The following COL28A1 variants were observed in gnomAD, a reference collection of about 807,000 sequenced individuals.
COL28A1 encodes the protein collagen type XXVIII alpha 1 chain, also known as collagen alpha-1(XXVIII) chain.
COL28A1 carries 161 observed loss-of-function variants against 150.2 expected under a neutral mutation model. The observed-to-expected ratio is 1.07, with a 90% CI of 0.94 to 1.22. COL28A1 has a LOEUF of 1.22. Ranked by LOEUF, COL28A1 falls within the 50% of genes most tolerant of loss-of-function variation. The pLI is 0.00. For synonymous variants in COL28A1, 552 were observed against 469.7 expected (o/e 1.18, Z -2.26); for missense variants, 1,617 against 1,388.3 (o/e 1.16, Z -2.62).
chr7:7,338,783 C>A, the COL28A1 span, among the ~76,000 whole-genome samples: 2 of 152,094 alleles, frequency 1.3e-5, no homozygotes, highest in African/African-American at 4.8e-5. Flanking sequence ...AGAGGTCAAT[C>A]CCCTTCTCTT....
intron 15 of COL28A1, among the ~76,000 whole-genome samples, chr7:7,460,771 A>C (rs907157365): frequency 4.6e-5 from 7 of 152,258 alleles, no homozygotes; most frequent in African/African-American, 1.4e-4. Context: ...TGATGGTAGA[A>C]GTCACTGGAT....
chr7:7,488,225 A>G (rs1418445215), intron 13 of COL28A1, among the ~76,000 whole-genome samples: 1 of 152,252 alleles, frequency 6.6e-6, no homozygotes, highest in African/African-American at 2.4e-5. Flanking sequence ...TATTTAGTGG[A>G]AACTAAGACT....
intron 5 of COL28A1, among the ~76,000 whole-genome samples, chr7:7,521,580 A>G (rs537122641): frequency 9.2e-5 from 14 of 152,268 alleles, no homozygotes; most frequent in East Asian, 5.8e-4. Flanking sequence ...AGCACTGATT[A>G]TTTGTATTAG....
chr7:7,413,536 A>G (rs1783902914), intron 27 of COL28A1, among the ~76,000 whole-genome samples: 1 of 152,198 alleles, frequency 6.6e-6, no homozygotes, highest in Admixed American at 6.5e-5. Context: ...CAGAGGGGAT[A>G]TGTGTCAAGT....
intron 3 of COL28A1, among the ~76,000 whole-genome samples, chr7:7,530,816 G>A (rs1229088854): frequency 6.6e-6 from 1 of 152,040 alleles, no homozygotes; most frequent in Non-Finnish European, 1.5e-5. Context: ...GAAAGAAGGA[G>A]GTAATTTTAA....
chr7:7,517,874 C>A lies in COL28A1; in HGVS notation c.814-37G>T, dbSNP rs771969444. ...AAAAAACAGTAAAAATTCCACAGCC[C>A]TGAAGAGTGACTGATTGCTCAATAA... On this transcript the variant is annotated intron_variant, in intron 6 of 34. Coordinates refer to ENST00000399429, the MANE Select transcript of COL28A1 (RefSeq NM_001037763.3). The A allele has an allele frequency of 1.9e-6, 3 of 1,612,848 alleles. No homozygotes were observed. In the South Asian group the frequency reaches 3.3e-5, roughly 18 times the overall value.
intron 9 of COL28A1, among the ~76,000 whole-genome samples, chr7:7,509,196 T>C (rs1397335617): frequency 6.6e-6 from 1 of 151,524 alleles, no homozygotes; most frequent in Non-Finnish European, 1.5e-5. Context: ...AGTGGCACAA[T>C]GACAGCTCAC....
upstream of COL28A1, among the ~76,000 whole-genome samples, chr7:7,538,937 C>T (rs982462365): frequency 2.0e-5 from 3 of 149,902 alleles, no homozygotes; most frequent in Admixed American, 6.6e-5. Flanking sequence ...CTTGAAGATC[C>T]TTTCCTTTCT....
At chr7:7,381,634 G>C in intron 27 of COL28A1, 22 bp from the exon 28 acceptor site, 3 of 1,589,056 alleles carry the variant, frequency 1.9e-6, no homozygotes, top group Non-Finnish European at 2.6e-6. Flanking sequence ...ATGAGAAAGA[G>C]ATGTTCTATT....
intron 33 of COL28A1, among the ~76,000 whole-genome samples, chr7:7,363,066 AGTACT>A (rs991027770): frequency 5.3e-5 from 8 of 152,166 alleles, no homozygotes; most frequent in Admixed American, 4.6e-4. Flanking sequence ...CAGGAAAAAA[AGTACT>A]GGTTTTTTTT....
chr7:7,473,600 A>T (rs1190786723), intron 15 of COL28A1, among the ~76,000 whole-genome samples: 4 of 152,232 alleles, frequency 2.6e-5, no homozygotes, highest in African/African-American at 9.6e-5. Context: ...AATGTAAACT[A>T]GTACAACCAG....
At chr7:7,400,975 G>GGGGTGTGTGTGTGT (rs1160269291) in intron 27 of COL28A1, among the ~76,000 whole-genome samples, 40 of 119,128 alleles carry the variant, frequency 3.4e-4, no homozygotes, top group Non-Finnish European at 4.4e-4. Context: ...TGGGTATTTG[G>GGGGTGTGTGTGTGT]GTGTGTGTGT....
At chr7:7,430,528 T>G (rs908661597) in intron 25 of COL28A1, among the ~76,000 whole-genome samples, 8 of 152,192 alleles carry the variant, frequency 5.3e-5, no homozygotes, top group African/African-American at 1.9e-4. Context: ...TAACATCATG[T>G]CTAGTTATAT....
At chr7:7,533,258 T>C (rs780904001) in intron 1 of COL28A1, among the ~76,000 whole-genome samples, 11 of 152,158 alleles carry the variant, frequency 7.2e-5, no homozygotes, top group Non-Finnish European at 1.3e-4. Context: ...CAGGGTCTGC[T>C]TTGACATTTC....
At chr7:7,465,410 G>A (rs376718944) in intron 15 of COL28A1, among the ~76,000 whole-genome samples, 2 of 141,066 alleles carry the variant, frequency 1.4e-5, no homozygotes, top group East Asian at 2.2e-4. Flanking sequence ...CTTAAGAAAC[G>A]GCGCACCACG....
chr7:7,378,801 C>T (rs1163818628), intron 30 of COL28A1, among the ~76,000 whole-genome samples: 1 of 152,202 alleles, frequency 6.6e-6, no homozygotes, highest in Admixed American at 6.5e-5. Context: ...ATGGAGCTGT[C>T]ATGCAGATTA....
chr7:7,472,464 C>T (rs1788517009), intron 15 of COL28A1, among the ~76,000 whole-genome samples: 1 of 151,818 alleles, frequency 6.6e-6, no homozygotes, highest in African/African-American at 2.4e-5. Context: ...TATACCTAAC[C>T]AAGGAGGCGA....
intron 32 of COL28A1, among the ~76,000 whole-genome samples, chr7:7,372,716 G>C (rs927378382): frequency 6.6e-6 from 1 of 152,112 alleles, no homozygotes; most frequent in Non-Finnish European, 1.5e-5. Flanking sequence ...ATACTCCCAA[G>C]TCCTATTCTT....
intron 13 of COL28A1, among the ~76,000 whole-genome samples, chr7:7,484,627 T>C (rs1337478795): frequency 1.3e-5 from 2 of 151,464 alleles, no homozygotes; most frequent in South Asian, 2.1e-4. Flanking sequence ...GAAGAAATGA[T>C]TGAAGTAAAA....
Sources: gnomAD v4.1 joint callset for allele counts (sites outside exome capture counted in the v4.1 genomes callset) on GRCh38, gnomAD v4.1.1 for gene constraint, MANE v1.5 for transcripts, NCBI Gene and HGNC (gene_info 2026-07-23, HGNC 2026-07-21) for gene names.